The following COL28A1 variants were observed in gnomAD, a reference collection of about 807,000 sequenced individuals.
The protein encoded by COL28A1 is collagen alpha-1(XXVIII) chain.
Under a neutral mutation model 150.2 loss-of-function variants are expected in COL28A1, and 161 were observed. The ratio of observed to expected loss-of-function variants is 1.07; its 90% CI spans 0.94 to 1.22. COL28A1 has a LOEUF of 1.22. Among genes scored for constraint, COL28A1 ranks in the 50% most tolerant of loss-of-function variants. COL28A1 has a pLI of 0.00. For synonymous variants in COL28A1, 552 were observed against 469.7 expected (o/e 1.18, Z -2.26); for missense variants, 1,617 against 1,388.3 (o/e 1.16, Z -2.62).
chr7:7,537,467 C>T (rs943606726), upstream of COL28A1, among the ~76,000 whole-genome samples: 1 of 152,136 alleles, frequency 6.6e-6, no homozygotes, highest in Admixed American at 6.5e-5. Flanking sequence ...TATTCCAGGA[C>T]CCCTTGTACT....
At chr7:7,459,535 T>C (rs1787438624) in intron 15 of COL28A1, among the ~76,000 whole-genome samples, 1 of 152,258 alleles carries the variant, frequency 6.6e-6, no homozygotes, top group African/African-American at 2.4e-5. Flanking sequence ...GGCTGATATA[T>C]AAATGACTCC....
chr7:7,431,668 T>G, intron 25 of COL28A1: 1 of 470,184 alleles, frequency 2.1e-6, no homozygotes, highest in Non-Finnish European at 4.4e-6. Context: ...GCCACCAGGG[T>G]GTTTCTAGGA....
chr7:7,519,276 CACAAGA>C (rs1334111411), intron 6 of COL28A1, among the ~76,000 whole-genome samples: 8 of 152,170 alleles, frequency 5.3e-5, no homozygotes, highest in Non-Finnish European at 8.8e-5. Context: ...TACTCACTAT[CACAAGA>C]ACAGCATGGG....
Position 7,432,688 on chromosome 7 carries a change from G to C in COL28A1, c.1873C>G (p.Pro625Ala), listed in dbSNP as rs747071568. 1 of 1,613,538 alleles carries C rather than the reference G, an allele frequency of 6.2e-7. No homozygotes were observed. Among genetic ancestry groups the C allele is most frequent in the African/African-American group, 1.3e-5 (1 of 74,978 alleles). Residue 625 changes from proline (P) to alanine (A), a missense_variant, in exon 24 of 35, where the codon CCT (proline) becomes GCT (alanine). Pro to Ala is a conservative substitution (Grantham distance 27). Coordinates refer to ENST00000399429, the MANE Select transcript of COL28A1 (RefSeq NM_001037763.3). ...SIRGPKGVQGPRGPVGAPGLK... is the reference protein window; with the variant it reads ...SIRGPKGVQGARGPVGAPGLK... ...CCTGGAGCACCCACTGGTCCCCGAG[G>C]GCCTTGGACACCCTGGGTAAATTCC... is the stretch of plus-strand genomic sequence containing the variant.
intron 27 of COL28A1, among the ~76,000 whole-genome samples, chr7:7,402,205 C>G (rs1395184571): frequency 1.3e-5 from 2 of 152,218 alleles, no homozygotes; most frequent in African/African-American, 4.8e-5. Context: ...AAGATTAGTT[C>G]CAGCTCACAA....
chr7:7,510,926 G>T (rs575923984), intron 9 of COL28A1, among the ~76,000 whole-genome samples, 165 bp downstream of exon 9: 1 of 152,260 alleles, frequency 6.6e-6, no homozygotes, highest in East Asian at 1.9e-4. Flanking sequence ...ATTGAGTTAG[G>T]CATCACTTTG....
intron 27 of COL28A1, among the ~76,000 whole-genome samples, chr7:7,402,259 T>C (rs1464762121): frequency 6.6e-6 from 1 of 152,226 alleles, no homozygotes; most frequent in Non-Finnish European, 1.5e-5. Context: ...AACATTTCGC[T>C]TCTTCCCGTC....
At chr7:7,340,150 C>G in the COL28A1 span, among the ~76,000 whole-genome samples, 1 of 151,960 alleles carries the variant, frequency 6.6e-6, no homozygotes, top group Non-Finnish European at 1.5e-5. Flanking sequence ...ACCACCACGC[C>G]CAGCTAATTT....
chr7:7,488,101 G>A (rs6968394), intron 13 of COL28A1, among the ~76,000 whole-genome samples: 22,822 of 152,104 alleles, frequency 0.15, 1,835 homozygotes, highest in Middle Eastern at 0.22. Flanking sequence ...AAATCATAAG[G>A]AATAACAAAT....
intron 18 of COL28A1, among the ~76,000 whole-genome samples, chr7:7,445,272 C>A (rs1244518574): frequency 6.6e-6 from 1 of 152,172 alleles, no homozygotes. Context: ...AAGACAGACA[C>A]ACAGGGAGAG....
intron 9 of COL28A1, among the ~76,000 whole-genome samples, chr7:7,510,890 T>TA (rs1173366325): frequency 1.3e-5 from 2 of 152,188 alleles, no homozygotes; most frequent in Non-Finnish European, 2.9e-5. Context: ...TAATGGTCCA[T>TA]AAAAAAGGCA....
At chr7:7,411,168 A>G (rs1783770607) in intron 27 of COL28A1, among the ~76,000 whole-genome samples, 1 of 152,172 alleles carries the variant, frequency 6.6e-6, no homozygotes, top group African/African-American at 2.4e-5. Flanking sequence ...AAGACACCTG[A>G]TTCTATTAAA....
intron 26 of COL28A1, among the ~76,000 whole-genome samples, chr7:7,419,347 CAA>C (rs1784273331): frequency 6.6e-6 from 1 of 152,148 alleles, no homozygotes; most frequent in African/African-American, 2.4e-5. Context: ...GGAAGGGAAA[CAA>C]AGTCTCCCTC....
At chr7:7,353,092 A>G (rs1320062481), downstream of COL28A1, among the ~76,000 whole-genome samples, 1 of 152,180 alleles carries the variant, frequency 6.6e-6, no homozygotes, top group Non-Finnish European at 1.5e-5. Context: ...GTACCTGGAG[A>G]GCACTGCCCC....
intron 27 of COL28A1, among the ~76,000 whole-genome samples, chr7:7,416,523 A>G (rs1433275539): frequency 6.6e-6 from 1 of 152,208 alleles, no homozygotes; most frequent in Non-Finnish European, 1.5e-5. Flanking sequence ...AAGCAAACTC[A>G]TGCAAAACTG....
chr7:7,541,438 T>C, the COL28A1 span, among the ~76,000 whole-genome samples: 1 of 152,222 alleles, frequency 6.6e-6, no homozygotes, highest in Admixed American at 6.5e-5. Context: ...AAATCACATA[T>C]ATAATGTTAT....
At chr7:7,506,643 C>T (rs1780825982) in intron 10 of COL28A1, among the ~76,000 whole-genome samples, 1 of 152,140 alleles carries the variant, frequency 6.6e-6, no homozygotes, top group African/African-American at 2.4e-5. Flanking sequence ...AAATTATTTT[C>T]TGAAATCTAT....
chr7:7,475,855 G>C (rs1026525007), intron 14 of COL28A1, among the ~76,000 whole-genome samples: 2 of 152,140 alleles, frequency 1.3e-5, no homozygotes, highest in East Asian at 1.9e-4. Flanking sequence ...TTAGTCAAAG[G>C]TGTTAGTAAT....
chr7:7,350,790 A>T, the COL28A1 span, among the ~76,000 whole-genome samples: 1 of 151,976 alleles, frequency 6.6e-6, no homozygotes, highest in Admixed American at 6.6e-5. Flanking sequence ...ACGTACAAAA[A>T]AAAAGTATCC....
Sources: gnomAD v4.1 joint callset for allele counts (sites outside exome capture counted in the v4.1 genomes callset) on GRCh38, gnomAD v4.1.1 for gene constraint, MANE v1.5 for transcripts, NCBI Gene and HGNC (gene_info 2026-07-23, HGNC 2026-07-21) for gene names.